The following PBX4 variants were observed in gnomAD, a reference collection of about 807,000 sequenced individuals.
The protein encoded by PBX4 is PBX homeobox 4, also known as pre-B-cell leukemia transcription factor 4.
PBX4 carries 26 observed loss-of-function variants against 35.1 expected under a neutral mutation model. The observed-to-expected ratio is 0.74, with a 90% CI of 0.54 to 1.03. PBX4 has a LOEUF of 1.03. PBX4 is among the 50% of genes least tolerant of loss of function. PBX4 has a pLI of 0.00. For missense variants in PBX4, 448 were observed against 504.3 expected, an observed-to-expected ratio of 0.89 and a Z score of 1.07; for synonymous variants, 199 against 204.2, an observed-to-expected ratio of 0.97 and a Z score of 0.22.
intron 1 of PBX4, among the ~76,000 whole-genome samples, chr19:19,615,668 G>A (rs2061685325): frequency 6.6e-6 from 1 of 152,166 alleles, no homozygotes; most frequent in African/African-American, 2.4e-5. Flanking sequence ...GAGGTAGGCA[G>A]ATCACCTAAG....
chr19:19,587,309 C>T (rs1019596763), intron 2 of PBX4, among the ~76,000 whole-genome samples: 1 of 152,148 alleles, frequency 6.6e-6, no homozygotes, highest in South Asian at 2.1e-4. Flanking sequence ...AACAGTAGGC[C>T]GGGAGCAGTG....
chr19:19,564,482 C>T (rs1347825736), intron 6 of PBX4, among the ~76,000 whole-genome samples: 2 of 152,092 alleles, frequency 1.3e-5, no homozygotes, highest in Non-Finnish European at 1.5e-5. Flanking sequence ...CCAGGATGGT[C>T]TCTATCTCCT....
At chr19:19,582,377 G>C (rs2061460443) in intron 2 of PBX4, among the ~76,000 whole-genome samples, 1 of 152,150 alleles carries the variant, frequency 6.6e-6, no homozygotes, top group Admixed American at 6.5e-5. Flanking sequence ...ACCTTAAGCA[G>C]ACACACACAA....
At chr19:19,590,103 A>G (rs1460465918) in intron 2 of PBX4, among the ~76,000 whole-genome samples, 1 of 152,180 alleles carries the variant, frequency 6.6e-6, no homozygotes, top group Non-Finnish European at 1.5e-5. Context: ...CATATAATTC[A>G]TCTGCTTAAA....
intron 2 of PBX4, among the ~76,000 whole-genome samples, chr19:19,581,918 G>T (rs1190920446): frequency 6.6e-6 from 1 of 152,156 alleles, no homozygotes; most frequent in Admixed American, 6.5e-5. Context: ...AGCAGGAGAC[G>T]AGACTGGCTG....
rs375684730 is a variant in PBX4 at position 19,599,320 on chromosome 19, G to A, written c.165C>T (p.Ser55=). The part of the protein sequence containing the change: ...NCHRMKPALF[S]VLCEIKEKTV... The stretch of plus-strand genomic sequence containing the variant: ...TCTTTTCCTTGATCTCACAGAGCAC[G>A]CTGAACAGAGCAGGCTTCATCCGAT... The change falls in exon 2 of 8, where the codon AGC becomes AGT. Residue 55 remains serine (S), a synonymous_variant. Transcript: ENST00000251203. The A allele has an allele frequency of 2.6e-5, 42 of 1,612,912 alleles. No individual in the cohort carries two copies. The highest frequency in any genetic ancestry group is 6.7e-5 in the East Asian group (3 of 44,824).
At chr19:19,606,092 C>T (rs2061629593) in intron 1 of PBX4, among the ~76,000 whole-genome samples, 2 of 152,202 alleles carry the variant, frequency 1.3e-5, no homozygotes, top group Admixed American at 1.3e-4. Flanking sequence ...ACTTACTTGG[C>T]AGACACACCC....
rs771158415 is a variant in PBX4, at chr19:19,570,206, C to T, written c.535G>A (p.Gly179Ser). The change falls in exon 4 of 8, where the codon GGC (glycine) becomes AGC (serine). Residue 179 changes from glycine (G) to serine (S), a missense_variant. By Grantham distance (56) the Gly-to-Ser change is moderately conservative. Coordinates refer to ENST00000251203, the MANE Select transcript of PBX4 (RefSeq NM_025245.3). Reference protein sequence around the residue: ...VSPKEIERMVGAIHGKFSAIQ... With the variant: ...VSPKEIERMVSAIHGKFSAIQ... ...GCGCTGAACTTGCCGTGAATGGCGC[C>T]GACCATGCGCTCAATCTCCTTAGGG... 1.2e-5 allele frequency: 20 copies of T among 1,614,018 alleles called. No individual in the cohort carries two copies. The East Asian group carries it at 1.8e-4, about 14-fold the overall frequency.
At chr19:19,615,204 A>G (rs2144799507) in intron 1 of PBX4, among the ~76,000 whole-genome samples, 1 of 146,988 alleles carries the variant, frequency 6.8e-6, no homozygotes, top group South Asian at 2.2e-4. Context: ...AAGATTAGCC[A>G]GGCGTGGTGG....
At chr19:19,582,401 G>C (rs1357335629) in intron 2 of PBX4, among the ~76,000 whole-genome samples, 3 of 152,142 alleles carry the variant, frequency 2.0e-5, no homozygotes, top group Admixed American at 6.6e-5. Flanking sequence ...GCTGGAAGTC[G>C]AGAGGAACAC....
chr19:19,589,719 G>A (rs1289557073), intron 2 of PBX4, among the ~76,000 whole-genome samples: 2 of 152,028 alleles, frequency 1.3e-5, no homozygotes, highest in South Asian at 2.1e-4. Context: ...GCAGTGAGCC[G>A]AGATCGCACG....
intron 2 of PBX4, among the ~76,000 whole-genome samples, chr19:19,581,091 C>T (rs1290599100): frequency 1.3e-5 from 2 of 152,184 alleles, no homozygotes; most frequent in East Asian, 3.8e-4. Context: ...CTGGGCCAGC[C>T]CACACCTGTC....
In PBX4 at chr19:19,564,726, C is replaced by T. The variant is rs1009852319; in HGVS notation, c.925+207G>A. ...CTTTCATGTCTTTTCTTATTAGTATCGCCATTCTGTCCCCAAAGCACAGGT... is the reference window on the plus strand; with the variant it reads ...CTTTCATGTCTTTTCTTATTAGTATTGCCATTCTGTCCCCAAAGCACAGGT... On this transcript the variant is annotated intron_variant, in intron 6 of 7. Coordinates refer to ENST00000251203, the MANE Select transcript of PBX4 (RefSeq NM_025245.3). The T allele has an allele frequency of 2.7e-5, 17 of 628,246 alleles. No homozygotes were observed. The Admixed American group carries it at 4.5e-4, about 17-fold the overall frequency. 38.9% of individuals were successfully genotyped at this position (628,246 alleles called of 1,614,324 possible).
rs776372370 is a variant in PBX4 at position 19,570,715 on chromosome 19, C to A, written c.312G>T (p.Ala104=). 1 of 1,614,036 alleles carries A rather than the reference C, an allele frequency of 6.2e-7. No homozygotes were observed. Among genetic ancestry groups the A allele is most frequent in the Admixed American group, 1.7e-5 (1 of 59,994 alleles). ...GTGTTGCTGTGCCGGCCCTGGCCAC[C>A]GCTCCTCCTCTTCCTCTCTTCTCGG... The part of the protein sequence containing the change: ...CRPEKRGRGG[A]VARAGTATPG... The change falls in exon 3 of 8, where the codon GCG becomes GCT. Residue 104 remains alanine (A), a synonymous_variant. Coordinates refer to ENST00000251203, the MANE Select transcript of PBX4 (RefSeq NM_025245.3).
chr19:19,573,172 G>C (rs1427723653), intron 2 of PBX4, among the ~76,000 whole-genome samples: 1 of 151,154 alleles, frequency 6.6e-6, no homozygotes, highest in African/African-American at 2.4e-5. Context: ...GGGCATGATG[G>C]CACATGCCTG....
At chr19:19,586,380 T>G (rs1051353873) in intron 2 of PBX4, among the ~76,000 whole-genome samples, 1 of 152,112 alleles carries the variant, frequency 6.6e-6, no homozygotes, top group African/African-American at 2.4e-5. Flanking sequence ...GCCACTGTAC[T>G]CCAGCCTGTC....
At chr19:19,586,383 A>C (rs2061489106) in intron 2 of PBX4, among the ~76,000 whole-genome samples, 1 of 152,158 alleles carries the variant, frequency 6.6e-6, no homozygotes, top group Non-Finnish European at 1.5e-5. Context: ...ACTGTACTCC[A>C]GCCTGTCTCT....
intron 4 of PBX4, 151 bp from the exon 5 acceptor site, chr19:19,569,735 C>T (rs890288305): frequency 3.2e-5 from 36 of 1,114,526 alleles, no homozygotes; most frequent in Non-Finnish European, 4.1e-5. Flanking sequence ...CATAGTGAAA[C>T]CCCGTTTCTA....
chr19:19,563,481 G>A lies in PBX4; in HGVS notation c.1032+28C>T. On this transcript the variant is annotated intron_variant, in intron 7 of 7. Transcript: ENST00000251203. The surrounding 1 kb of genome is among the most constrained non-coding windows in gnomAD (Gnocchi z 5.1). ...TTCTGAGAACCTACCACCCACCTGG[G>A]CGCTGTGGGACAGTGCCTGAGACTC... is the stretch of plus-strand genomic sequence containing the variant. The A allele has an allele frequency of 6.7e-7, 1 of 1,489,302 alleles. No homozygotes were observed. The highest frequency in any genetic ancestry group is 9.1e-7 in the Non-Finnish European group (1 of 1,100,552). The allele number at this position is 1,489,302 out of a possible 1,614,324, so 92.3% of individuals were successfully genotyped here.
Sources: allele counts gnomAD v4.1 joint callset (sites outside exome capture counted in the v4.1 genomes callset), GRCh38; gene constraint gnomAD v4.1.1; non-coding constraint Gnocchi (gnomAD v3.1); transcripts MANE v1.5; gene names NCBI Gene and HGNC (gene_info 2026-07-23, HGNC 2026-07-21).